Variants in ILDR2 observed in about 807,000 individuals in gnomAD.
The protein encoded by ILDR2 is immunoglobulin like domain containing receptor 2, also known as immunoglobulin-like domain-containing receptor 2.
Under a neutral mutation model 66.8 loss-of-function variants are expected in ILDR2, and 25 were observed. That is an observed-to-expected ratio of 0.37 (90% CI 0.27 to 0.52). The LOEUF is 0.52. ILDR2 is among the 20% of genes least tolerant of loss of function. The pLI, the probability that ILDR2 is intolerant of heterozygous loss-of-function variation, is 0.88. For synonymous variants in ILDR2, 367 were observed against 357.2 expected, an observed-to-expected ratio of 1.03 and a Z score of -0.31; for missense variants, 827 against 876.8, an observed-to-expected ratio of 0.94 and a Z score of 0.72.
intron 1 of ILDR2, among the ~76,000 whole-genome samples, chr1:166,972,947 C>T (rs1663394022): frequency 6.6e-6 from 1 of 152,194 alleles, no homozygotes; most frequent in South Asian, 2.1e-4. Context: ...GAATTCATCT[C>T]CTCCTTGTCT....
Position 166,919,198 on chromosome 1 carries a change from C to A in ILDR2, c.*157G>T. On this transcript the variant is annotated 3_prime_UTR_variant, in exon 10 of 10. Transcript: ENST00000271417. Reference sequence around the variant, plus strand: ...GGCACAGAGGTTTGAAATCAGCCTCCCTTAAAGGCTGCCTGCCATCCCTTG... The same window carrying A: ...GGCACAGAGGTTTGAAATCAGCCTCACTTAAAGGCTGCCTGCCATCCCTTG... 3.0e-6 allele frequency: 2 copies of A among 665,878 alleles called. No individual in the cohort carries two copies. The highest frequency in any genetic ancestry group is 3.6e-5 in the South Asian group (2 of 54,888). 41.2% of individuals were successfully genotyped at this position (665,878 alleles called of 1,614,324 possible). A position where few individuals can be genotyped will look rare whatever the true frequency, so the allele number is the denominator to read the frequency against.
At chr1:166,957,288 A>G (rs1662334602) in intron 2 of ILDR2, among the ~76,000 whole-genome samples, 1 of 152,234 alleles carries the variant, frequency 6.6e-6, no homozygotes, top group Non-Finnish European at 1.5e-5. Context: ...TTAGAGAGCA[A>G]GAGAAAGGGT....
chr1:166,974,836 C>T (rs1421815917), intron 1 of ILDR2, among the ~76,000 whole-genome samples: 2 of 152,220 alleles, frequency 1.3e-5, no homozygotes, highest in Non-Finnish European at 2.9e-5. Context: ...CTCTGAGCTT[C>T]CTTTATTCCA....
chr1:166,948,164 G>T (rs1360353960), intron 3 of ILDR2, among the ~76,000 whole-genome samples: 1 of 152,042 alleles, frequency 6.6e-6, no homozygotes, highest in Non-Finnish European at 1.5e-5. Context: ...GTGGAGGTGA[G>T]CCGACACTAA....
At chr1:166,950,089 G>T (rs1049123074) in intron 3 of ILDR2, among the ~76,000 whole-genome samples, 1 of 152,240 alleles carries the variant, frequency 6.6e-6, no homozygotes, top group African/African-American at 2.4e-5. Flanking sequence ...AAATGAAAAT[G>T]TAGGTACAGC....
At chr1:166,900,854 G>A (rs1023948652) in intron 2 of ILDR2, among the ~76,000 whole-genome samples, 4 of 152,128 alleles carry the variant, frequency 2.6e-5, no homozygotes, top group Non-Finnish European at 4.4e-5. Flanking sequence ...CTAAGTTACC[G>A]TTACTTTTAT....
intron 3 of ILDR2, among the ~76,000 whole-genome samples, chr1:166,955,673 T>C (rs1255296124): frequency 6.6e-6 from 1 of 152,180 alleles, no homozygotes; most frequent in Non-Finnish European, 1.5e-5. Flanking sequence ...GGCATCAGAA[T>C]AGTTGTTTTG....
rs1659492214 is a variant in ILDR2 at position 166,912,421 on chromosome 1, A to G, written c.*6934T>C. ...AAATATAGGAAAAAAAGATGTGTAG[A>G]AAAAACACGTGGGTGATTCTAAACA... On this transcript the variant is annotated 3_prime_UTR_variant, in exon 10 of 10. Transcript: ENST00000271417. The G allele has an allele frequency of 6.6e-6, 1 of 152,200 alleles. No individual in the cohort carries two copies. The highest frequency in any genetic ancestry group is 1.5e-5 in the Non-Finnish European group (1 of 68,024). The allele number at this position is 152,200 out of a possible 1,614,324, so 9.4% of individuals were successfully genotyped here.
At chr1:166,896,917 G>C (rs1659177024) in intron 2 of ILDR2, among the ~76,000 whole-genome samples, 1 of 152,150 alleles carries the variant, frequency 6.6e-6, no homozygotes, top group African/African-American at 2.4e-5. Flanking sequence ...TTACAGGTGT[G>C]AGCCACCATG....
intron 3 of ILDR2, among the ~76,000 whole-genome samples, chr1:166,945,723 G>A (rs1245476410): frequency 6.6e-6 from 1 of 152,200 alleles, no homozygotes; most frequent in Non-Finnish European, 1.5e-5. Flanking sequence ...ATTGTTTAAT[G>A]CATTGGAACT....
chr1:166,944,961 A>G (rs1464703164), intron 3 of ILDR2, among the ~76,000 whole-genome samples: 3 of 152,170 alleles, frequency 2.0e-5, no homozygotes. Context: ...CAGCGTGAGG[A>G]GGCACCTCAC....
chr1:166,936,505 G>A lies in ILDR2; in HGVS notation c.703+86C>T, dbSNP rs969706595. The A allele has an allele frequency of 5.7e-6, 9 of 1,582,584 alleles. No homozygotes were observed. The African/African-American group carries it at 1.2e-4, about 21-fold the overall frequency. ...TGGGGGTGGCAGGACAGGAGGTGGA[G>A]GAGGAACCCAGCGCACACAGCTGTC... is the stretch of plus-strand genomic sequence containing the variant. On this transcript the variant is annotated intron_variant, in intron 5 of 9. Coordinates refer to ENST00000271417, the MANE Select transcript of ILDR2 (RefSeq NM_199351.3). The surrounding 1 kb of genome is among the most constrained non-coding windows in gnomAD (Gnocchi z 5.0).
chr1:166,941,956 T>C (rs1052026857), intron 3 of ILDR2, among the ~76,000 whole-genome samples: 7 of 152,214 alleles, frequency 4.6e-5, no homozygotes, highest in Admixed American at 1.3e-4. Context: ...ATATAGAGCA[T>C]GTTATATCGG....
intron 7 of ILDR2, among the ~76,000 whole-genome samples, chr1:166,924,717 T>C (rs564493608): frequency 7.9e-5 from 12 of 152,284 alleles, no homozygotes; most frequent in African/African-American, 2.9e-4. Flanking sequence ...CCTTTATTTA[T>C]AAAAATAGGA....
At position 166,939,661 on chromosome 1, in the gene ILDR2, C is replaced by T. The variant is rs147926939; in HGVS notation, c.500-91G>A. 9 of 1,031,814 alleles carry T rather than the reference C, an allele frequency of 8.7e-6. No individual in the cohort carries two copies. The African/African-American group carries it at 9.4e-5, about 11-fold the overall frequency. The allele number at this position is 1,031,814 out of a possible 1,614,324, so 63.9% of individuals were successfully genotyped here. ...CTGGCTCCAGTTGGTACCATCCACA[C>T]GTGCGGCCATTAGTGCATGCTCTTT... On this transcript the variant is annotated intron_variant, in intron 3 of 9. Transcript: ENST00000271417.
At position 166,896,873 on chromosome 1, in the gene ILDR2, G is replaced by A. The variant is rs184311146; in HGVS notation, n.172-772C>T. Among the ~76,000 whole-genome samples, 31 of 152,096 alleles carry A rather than the reference G, an allele frequency of 2.0e-4. 1 individual carries two copies. Among genetic ancestry groups the A allele is most frequent in the African/African-American group, 6.3e-4 (26 of 41,492 alleles). ...TGGTCTTGAACTCCTGACCTCAGGCGGTCCACCCACCTCAGCCTCCCAAAG... is the reference window on the plus strand; with the variant it reads ...TGGTCTTGAACTCCTGACCTCAGGCAGTCCACCCACCTCAGCCTCCCAAAG... On this transcript the variant is annotated intron_variant and non_coding_transcript_variant, in intron 2 of 2. Transcript: ENST00000414590.
downstream of ILDR2, among the ~76,000 whole-genome samples, chr1:166,905,021 T>C (rs1262704698): frequency 6.6e-6 from 1 of 152,248 alleles, no homozygotes; most frequent in Non-Finnish European, 1.5e-5. Context: ...TTTTAAATAT[T>C]GTTATAACCA....
intron 1 of ILDR2, among the ~76,000 whole-genome samples, chr1:166,961,596 A>G (rs1443196191): frequency 6.6e-6 from 1 of 152,168 alleles, no homozygotes; most frequent in African/African-American, 2.4e-5. Context: ...CGCTGGCAAA[A>G]CCAGAATAAT....
intron 6 of ILDR2, among the ~76,000 whole-genome samples, chr1:166,930,090 C>G (rs957660540): frequency 6.6e-6 from 1 of 152,120 alleles, no homozygotes; most frequent in African/African-American, 2.4e-5. Flanking sequence ...CAGCTGTGCC[C>G]TGGCAGACAG....
Sources: allele counts gnomAD v4.1 joint callset (sites outside exome capture counted in the v4.1 genomes callset), GRCh38; gene constraint gnomAD v4.1.1; non-coding constraint Gnocchi (gnomAD v3.1); transcripts MANE v1.5; gene names NCBI Gene and HGNC (gene_info 2026-07-23, HGNC 2026-07-21).